SPATS2: variants seen among roughly 807,000 people sequenced by gnomAD.
SPATS2 encodes spermatogenesis associated serine rich 2.
A neutral mutation model predicts 63.7 loss-of-function variants in SPATS2; 38 were observed. The observed-to-expected ratio is 0.60, with a 90% confidence interval of 0.46 to 0.78. The LOEUF (loss-of-function observed/expected upper bound fraction) is 0.78, where lower values mean the gene tolerates loss of function less well. Ranked by LOEUF, SPATS2 falls within the 30% of genes least tolerant of loss-of-function variation. The pLI, the probability that SPATS2 is intolerant of heterozygous loss-of-function variation, is 0.00. For synonymous variants in SPATS2, 207 were observed against 232.9 expected (o/e 0.89, Z 1.01); for missense variants, 588 against 666.2 (o/e 0.88, Z 1.29).
chr12:49,520,710 A>G (rs1010976141), intron 11 of SPATS2, among the ~76,000 whole-genome samples: 7 of 151,852 alleles, frequency 4.6e-5, no homozygotes, highest in African/African-American at 1.7e-4. Flanking sequence ...CTTGGGTTCA[A>G]CATTTATACC....
chr12:49,392,304 C>T (rs568469402), intron 2 of SPATS2, among the ~76,000 whole-genome samples: 1 of 151,744 alleles, frequency 6.6e-6, no homozygotes, highest in Non-Finnish European at 1.5e-5. Context: ...TGCATGGGAA[C>T]CTATTTTATT....
chr12:49,368,522 C>G (rs962376245), intron 1 of SPATS2, among the ~76,000 whole-genome samples: 2 of 152,152 alleles, frequency 1.3e-5, no homozygotes, highest in Non-Finnish European at 2.9e-5. Context: ...GTTACCTGTA[C>G]TTTGTTAGAA....
chr12:49,481,457 CA>C lies in SPATS2; in HGVS notation c.26-3132del, dbSNP rs1178915322. ...AAGCTCAACAAGCTCAAGGCTTCCT[CA>C]TTTTTTTTTTTTTTTTTTTTTTTTT... On this transcript the variant is annotated intron_variant, in intron 3 of 13. Transcript: ENST00000552918. Among the ~76,000 whole-genome samples, 1,160 of 137,404 alleles carry C rather than the reference CA, an allele frequency of 8.4e-3. 23 individuals are homozygous for C. Among genetic ancestry groups the C allele is most frequent in the African/African-American group, 0.032 (1,088 of 34,340 alleles). The allele number at this position is 137,404 out of a possible 152,430, so 90.1% of individuals were successfully genotyped here.
At chr12:49,446,815 T>G (rs1280449114) in intron 2 of SPATS2, among the ~76,000 whole-genome samples, 1 of 152,224 alleles carries the variant, frequency 6.6e-6, no homozygotes, top group African/African-American at 2.4e-5. Flanking sequence ...GTACATAGAT[T>G]ATGTTTGATT....
intron 3 of SPATS2, among the ~76,000 whole-genome samples, chr12:49,476,913 C>T (rs1046319268): frequency 1.7e-4 from 26 of 152,184 alleles, no homozygotes; most frequent in Non-Finnish European, 7.4e-5. Context: ...TGAAACCAGC[C>T]TGACCAACAT....
chr12:49,484,786 G>T (rs1301103715), intron 4 of SPATS2, 117 bp downstream of exon 4: 4 of 829,988 alleles, frequency 4.8e-6, no homozygotes, highest in Non-Finnish European at 7.7e-6. Context: ...ATAAAACAAT[G>T]CCACTATATA....
intron 12 of SPATS2, among the ~76,000 whole-genome samples, chr12:49,523,430 G>T (rs541348764): frequency 6.6e-6 from 1 of 152,170 alleles, no homozygotes; most frequent in Admixed American, 6.5e-5. Context: ...AGGAGTTTGA[G>T]GTTCCAGTGA....
intron 2 of SPATS2, among the ~76,000 whole-genome samples, chr12:49,379,978 A>G (rs1176224114): frequency 1.3e-5 from 2 of 151,124 alleles, no homozygotes; most frequent in African/African-American, 4.9e-5. Context: ...TTAAATATTT[A>G]CTCTTTATTT....
intron 2 of SPATS2, among the ~76,000 whole-genome samples, chr12:49,383,260 C>G (rs1944254703): frequency 6.6e-6 from 1 of 151,764 alleles, no homozygotes; most frequent in Admixed American, 6.6e-5. Context: ...CTCAGGTGAT[C>G]CGCCTGCCTC....
intron 2 of SPATS2, among the ~76,000 whole-genome samples, chr12:49,409,632 TC>T (rs1208950329): frequency 4.2e-5 from 6 of 144,102 alleles, no homozygotes; most frequent in African/African-American, 1.6e-4. Flanking sequence ...GATGGAGTCT[TC>T]CCTGTGTCGC....
intron 2 of SPATS2, among the ~76,000 whole-genome samples, chr12:49,381,203 G>A (rs1382598347): frequency 6.6e-6 from 1 of 152,124 alleles, no homozygotes; most frequent in African/African-American, 2.4e-5. Context: ...TTGGAGAAAT[G>A]TCTATTAAGT....
At chr12:49,429,786 C>CTT (rs113979672) in intron 2 of SPATS2, among the ~76,000 whole-genome samples, 6 of 126,548 alleles carry the variant, frequency 4.7e-5, no homozygotes, top group Admixed American at 1.6e-4. Flanking sequence ...TCTTCTTCTT[C>CTT]TTTTTTTTTT....
intron 8 of SPATS2, among the ~76,000 whole-genome samples, chr12:49,497,215 A>G (rs1178048685): frequency 6.6e-6 from 1 of 152,156 alleles, no homozygotes; most frequent in Admixed American, 6.5e-5. Flanking sequence ...ATGCTGTACA[A>G]TCTACTTACG....
intron 2 of SPATS2, among the ~76,000 whole-genome samples, chr12:49,452,809 G>T: frequency 6.7e-6 from 1 of 149,358 alleles, no homozygotes. Context: ...CTATCTCTTC[G>T]TTAAGATTTT....
intron 3 of SPATS2, 149 bp downstream of exon 3, chr12:49,461,186 G>A: frequency 1.3e-6 from 1 of 780,858 alleles, no homozygotes; most frequent in South Asian, 1.9e-5. Context: ...TGTATTACTA[G>A]TCTGGGAATT....
At chr12:49,472,755 C>G (rs2137762328) in intron 3 of SPATS2, among the ~76,000 whole-genome samples, 1 of 151,116 alleles carries the variant, frequency 6.6e-6, no homozygotes, top group South Asian at 2.1e-4. Flanking sequence ...AAAAGAATAA[C>G]AGGGCCAGGC....
intron 2 of SPATS2, chr12:49,389,983 A>G (rs1944391738): frequency 1.2e-6 from 1 of 831,906 alleles, no homozygotes; most frequent in African/African-American, 1.7e-5. Context: ...TGAAATTGAC[A>G]AGCAACAGGA....
intron 2 of SPATS2, among the ~76,000 whole-genome samples, chr12:49,383,697 C>T (rs548179577): frequency 1.2e-4 from 19 of 152,280 alleles, no homozygotes; most frequent in African/African-American, 3.6e-4. Context: ...CCATCTTGCC[C>T]GACCCACTTT....
At chr12:49,483,221 G>T (rs1216861878) in intron 3 of SPATS2, among the ~76,000 whole-genome samples, 1 of 149,774 alleles carries the variant, frequency 6.7e-6, no homozygotes, top group African/African-American at 2.5e-5. Flanking sequence ...TTCCCTAAAA[G>T]AGATTGGTGG....
Sources: allele counts gnomAD v4.1 joint callset (sites outside exome capture counted in the v4.1 genomes callset), GRCh38; gene constraint gnomAD v4.1.1; transcripts MANE v1.5; gene names NCBI Gene and HGNC (gene_info 2026-07-23, HGNC 2026-07-21).